The following PTPRD variants were observed in gnomAD, a reference collection of about 807,000 sequenced individuals.
PTPRD encodes receptor-type tyrosine-protein phosphatase delta.
A neutral mutation model predicts 214.5 loss-of-function variants in PTPRD; 34 were observed. The observed-to-expected ratio is 0.16, with a 90% CI of 0.12 to 0.21. The LOEUF is 0.21. Ranked by LOEUF, PTPRD falls within the 10% of genes least tolerant of loss-of-function variation. The probability of loss-of-function intolerance (pLI) is 1.00; values close to 1 mark genes in which losing one functional copy is unlikely to be tolerated. For synonymous variants in PTPRD, 1,128 were observed against 845.7 expected, an observed-to-expected ratio of 1.33 and a Z score of -5.79; for missense variants, 2,545 against 2,398.7, an observed-to-expected ratio of 1.06 and a Z score of -1.27.
chr9:9,670,656 T>C (rs1283706866), intron 7 of PTPRD, among the ~76,000 whole-genome samples: 4 of 152,192 alleles, frequency 2.6e-5, no homozygotes, highest in Admixed American at 1.3e-4. Context: ...GTGCCCTGCG[T>C]CCCAGCTGTG....
In PTPRD at chr9:8,376,827, AT is replaced by A. The variant is rs1460265490; in HGVS notation, c.4387-102del. On this transcript the variant is annotated intron_variant, in intron 37 of 45. Coordinates refer to ENST00000381196, the MANE Select transcript of PTPRD (RefSeq NM_002839.4). ...AAGGAAAACAGCTTTTCTGCACTTC[AT>A]TTTATGTTGATCTTTTTCTGGCATG... 8 of 1,469,730 alleles carry A rather than the reference AT, an allele frequency of 5.4e-6. No homozygotes were observed. The African/African-American group carries it at 1.1e-4, about 21-fold the overall frequency. 91.0% of individuals were successfully genotyped at this position (1,469,730 alleles called of 1,614,324 possible).
At chr9:9,439,426 A>G (rs2086636805) in intron 8 of PTPRD, among the ~76,000 whole-genome samples, 1 of 152,166 alleles carries the variant, frequency 6.6e-6, no homozygotes, top group Non-Finnish European at 1.5e-5. Flanking sequence ...ACAACTGATA[A>G]GGTGGAATAA....
intron 10 of PTPRD, among the ~76,000 whole-genome samples, chr9:9,137,041 A>G (rs554730693): frequency 2.0e-5 from 3 of 152,236 alleles, no homozygotes; most frequent in South Asian, 4.1e-4. Flanking sequence ...AGCTTTTTCA[A>G]CAATCACAAA....
intron 3 of PTPRD, among the ~76,000 whole-genome samples, chr9:10,156,997 T>G (rs1403202886): frequency 6.6e-6 from 1 of 152,186 alleles, no homozygotes; most frequent in Non-Finnish European, 1.5e-5. Flanking sequence ...TTTTTCTCTA[T>G]CCTTTTATTT....
rs547495729 is a variant in PTPRD, at chr9:10,398,988, G to C, written c.-599-57971C>G. On this transcript the variant is annotated intron_variant, in intron 2 of 45. Coordinates refer to ENST00000381196, the MANE Select transcript of PTPRD (RefSeq NM_002839.4). Reference sequence around the variant, plus strand: ...ATGGGAATCTCCTAACACAGTGTCTGGCATGATGAGAATGTCTAATAAATG... The same window carrying C: ...ATGGGAATCTCCTAACACAGTGTCTCGCATGATGAGAATGTCTAATAAATG... Among the ~76,000 whole-genome samples, 41 of 152,062 alleles carry C rather than the reference G, an allele frequency of 2.7e-4. No individual in the cohort carries two copies. In the South Asian group the frequency reaches 3.7e-3, roughly 14 times the overall value.
intron 3 of PTPRD, among the ~76,000 whole-genome samples, chr9:10,084,849 G>T (rs1417286298): frequency 1.3e-5 from 2 of 151,810 alleles, no homozygotes; most frequent in African/African-American, 4.8e-5. Flanking sequence ...GTTCAACACA[G>T]CATGCTTAGA....
chr9:8,541,831 A>G (rs1015334661), intron 14 of PTPRD, among the ~76,000 whole-genome samples: 3 of 152,216 alleles, frequency 2.0e-5, no homozygotes, highest in Non-Finnish European at 4.4e-5. Flanking sequence ...AAAGAATATC[A>G]TATATAAAAG....
rs1175422041 is a variant in PTPRD, at chr9:8,692,720, T to A, written c.64+41060A>T. 2.6e-5 allele frequency among the ~76,000 whole-genome samples: 4 copies of A among 152,304 alleles called. No individual in the cohort carries two copies. The East Asian group carries it at 7.7e-4, about 29-fold the overall frequency. On this transcript the variant is annotated intron_variant, in intron 12 of 45. Coordinates refer to ENST00000381196, the MANE Select transcript of PTPRD (RefSeq NM_002839.4). ...TGTGTAATGATATGGCACACTGACC[T>A]ACGCCTCCTTTTGATACCTTCACTT...
chr9:9,170,129 C>T (rs866220966), intron 10 of PTPRD, among the ~76,000 whole-genome samples: 1 of 152,216 alleles, frequency 6.6e-6, no homozygotes, highest in Non-Finnish European at 1.5e-5. Context: ...CAATAAATAT[C>T]GCAATCTGTG....
At chr9:9,242,238 T>C (rs1238233734) in intron 9 of PTPRD, among the ~76,000 whole-genome samples, 8 of 152,210 alleles carry the variant, frequency 5.3e-5, no homozygotes, top group Non-Finnish European at 1.2e-4. Flanking sequence ...GGGCTTCCCT[T>C]TGTGAGTAAC....
intron 12 of PTPRD, among the ~76,000 whole-genome samples, chr9:8,673,406 C>T (rs1271174282): frequency 2.0e-5 from 3 of 152,118 alleles, no homozygotes; most frequent in Non-Finnish European, 2.9e-5. Context: ...TTCTGCACTG[C>T]ACTTAACACA....
chr9:9,562,650 C>G (rs1337128217), intron 8 of PTPRD, among the ~76,000 whole-genome samples: 1 of 150,688 alleles, frequency 6.6e-6, no homozygotes, highest in Non-Finnish European at 1.5e-5. Context: ...ACAATTAGAC[C>G]CCTCTCCTTC....
At position 9,311,552 on chromosome 9, in the gene PTPRD, G is replaced by GA. The variant is rs200569614; in HGVS notation, c.-203+85896dup. Reference sequence around the variant, plus strand: ...TTCTCCCCAAAACCCCTGTTGCAGAGAAAATAAGTAAAGGTTATTATCATT... The same window carrying GA: ...TTCTCCCCAAAACCCCTGTTGCAGAGAAAAATAAGTAAAGGTTATTATCATT... On this transcript the variant is annotated intron_variant, in intron 9 of 45. Coordinates refer to ENST00000381196, the MANE Select transcript of PTPRD (RefSeq NM_002839.4). 8.1e-3 allele frequency among the ~76,000 whole-genome samples: 1,226 copies of GA among 152,208 alleles called. 14 individuals carry two copies. Among genetic ancestry groups the GA allele is most frequent in the African/African-American group, 0.028 (1,168 of 41,540 alleles).
At chr9:8,988,684 A>G (rs928162146) in intron 11 of PTPRD, among the ~76,000 whole-genome samples, 2 of 151,564 alleles carry the variant, frequency 1.3e-5, no homozygotes, top group African/African-American at 4.8e-5. Context: ...CGATTTTTTT[A>G]GGCTCTCCTT....
chr9:9,072,443 T>A (rs1275717686), intron 10 of PTPRD, among the ~76,000 whole-genome samples: 1 of 152,116 alleles, frequency 6.6e-6, no homozygotes, highest in East Asian at 1.9e-4. Context: ...TAAAAACCAC[T>A]GGGTAGAGCA....
intron 8 of PTPRD, among the ~76,000 whole-genome samples, chr9:9,506,534 A>C (rs2096575318): frequency 6.6e-6 from 1 of 151,402 alleles, no homozygotes; most frequent in Non-Finnish European, 1.5e-5. Context: ...GAAATGGGAA[A>C]GTTTTGTTTA....
chr9:9,592,780 C>T (rs1033764556), intron 7 of PTPRD, among the ~76,000 whole-genome samples: 1 of 152,024 alleles, frequency 6.6e-6, no homozygotes, highest in African/African-American at 2.4e-5. Flanking sequence ...CATGGTGGCT[C>T]ACACCTGTAA....
chr9:9,528,627 G>A (rs1165380886), intron 8 of PTPRD, among the ~76,000 whole-genome samples: 1 of 151,828 alleles, frequency 6.6e-6, no homozygotes, highest in South Asian at 2.1e-4. Context: ...AGAACCACGA[G>A]AAAATAAAAA....
At chr9:8,339,846 A>G (rs573437183) in intron 42 of PTPRD, among the ~76,000 whole-genome samples, 25 of 138,962 alleles carry the variant, frequency 1.8e-4, no homozygotes. Flanking sequence ...AAAAAAAAAC[A>G]AACCACTTTT....
Sources: allele counts gnomAD v4.1 joint callset (sites outside exome capture counted in the v4.1 genomes callset), GRCh38; gene constraint gnomAD v4.1.1; transcripts MANE v1.5; gene names NCBI Gene and HGNC (gene_info 2026-07-23, HGNC 2026-07-21).